ZC3H4: variants seen among roughly 807,000 people sequenced by gnomAD.
The protein encoded by ZC3H4 is zinc finger CCCH-type containing 4, also known as zinc finger CCCH domain-containing protein 4.
In ZC3H4, 13 loss-of-function variants were observed where a neutral mutation model predicts 108.3. The ratio of observed to expected loss-of-function variants is 0.12; its 90% confidence interval spans 0.08 to 0.19. The LOEUF is 0.19. ZC3H4 is among the 10% of genes least tolerant of loss of function. The pLI is 1.00. For synonymous variants in ZC3H4, 917 were observed against 749.6 expected (o/e 1.22, Z -3.65); for missense variants, 1,734 against 1,838.8 (o/e 0.94, Z 1.04).
rs202213560 is a variant in ZC3H4, at chr19:47,066,942, G to A, written c.3326C>T (p.Pro1109Leu). Residue 1109 changes from proline to leucine, a missense_variant, in exon 15 of 15, where the codon CCG becomes CTG. Pro to Leu is a moderately conservative substitution (Grantham distance 98, BLOSUM62 -3). This residue lies in a region of ZC3H4 where 518 missense variants were observed against 499.6 expected (regional missense o/e 1.04). Transcript: ENST00000253048. The part of the protein sequence containing the change: ...PAEAPSPTAS[P>L]SGDASPPATA... ...GGCTGGTGGGGAGGCATCCCCACTC[G>A]GGCTGGCGGTGGGAGAGGGCGCCTC... The A allele has an allele frequency of 0.018, 29,167 of 1,594,806 alleles. 279 individuals are homozygous for A. Among genetic ancestry groups the A allele is most frequent in the Non-Finnish European group, 0.022 (25,955 of 1,172,524 alleles).
At chr19:47,087,327 A>G (rs1208638897) in intron 5 of ZC3H4, among the ~76,000 whole-genome samples, 1 of 152,026 alleles carries the variant, frequency 6.6e-6, no homozygotes, top group Non-Finnish European at 1.5e-5. Flanking sequence ...AAAGAATATA[A>G]AATATCTCAT....
chr19:47,066,820 C>T lies in ZC3H4; in HGVS notation c.3448G>A (p.Asp1150Asn), dbSNP rs1438929672. 1.9e-6 allele frequency: 3 copies of T among 1,600,068 alleles called. No individual in the cohort carries two copies. The highest frequency in any genetic ancestry group is 1.7e-5 in the Admixed American group (1 of 59,732). The change falls in exon 15 of 15, where the codon GAC becomes AAC. Residue 1150 changes from aspartate to asparagine, a missense_variant. By Grantham distance (23) the Asp-to-Asn change is conservative. This residue lies in a region of ZC3H4 where 518 missense variants were observed against 499.6 expected (regional missense o/e 1.04). Coordinates refer to ENST00000253048, the MANE Select transcript of ZC3H4 (RefSeq NM_015168.2). ...SSVLSGISLY[D>N]PRTPNAGGKA... Reference sequence around the variant, plus strand: ...CCCCCCGCGTTGGGAGTCCTCGGGTCGTAGAGGCTGATACCGCTCAGCACA... The same window carrying T: ...CCCCCCGCGTTGGGAGTCCTCGGGTTGTAGAGGCTGATACCGCTCAGCACA...
At chr19:47,107,657 G>GAA (rs1157842797) in intron 2 of ZC3H4, among the ~76,000 whole-genome samples, 14 of 90,250 alleles carry the variant, frequency 1.6e-4, no homozygotes, top group Admixed American at 2.3e-4. Context: ...GTTCTGTTAA[G>GAA]AAAAAAAAAA....
intron 4 of ZC3H4, among the ~76,000 whole-genome samples, chr19:47,091,552 C>A (rs550634089): frequency 6.6e-6 from 1 of 150,396 alleles, no homozygotes; most frequent in East Asian, 2.0e-4. Flanking sequence ...CCAGCCTGGG[C>A]GACAGAGCGA....
chr19:47,078,217 T>C (rs2057457104), intron 11 of ZC3H4, among the ~76,000 whole-genome samples: 1 of 152,204 alleles, frequency 6.6e-6, no homozygotes, highest in African/African-American at 2.4e-5. Flanking sequence ...ATAAATGAGA[T>C]ATATTGTTAA....
At chr19:47,089,003 C>T (rs1255625196) in intron 5 of ZC3H4, among the ~76,000 whole-genome samples, 2 of 151,890 alleles carry the variant, frequency 1.3e-5, no homozygotes, top group South Asian at 2.1e-4. Context: ...GTCACGAGAT[C>T]GAGACCAGCC....
At chr19:47,076,314 TGCGC>T (rs747893401) in intron 11 of ZC3H4, among the ~76,000 whole-genome samples, 9 of 78,050 alleles carry the variant, frequency 1.2e-4, no homozygotes, top group Non-Finnish European at 1.2e-4. Flanking sequence ...CATGCACGCG[TGCGC>T]GCGCGCGCAC....
chr19:47,067,725 CG>C lies in ZC3H4; in HGVS notation c.2542del (p.Arg848AlafsTer90). 2 of 1,606,420 alleles carry C rather than the reference CG, an allele frequency of 1.2e-6. No homozygotes were observed. ...ELSSSGLGDPRLQKGHPTGSR... is the reference protein window; with the variant it reads ...ELSSSGLGDPXLQKGHPTGSR... ...TCCTGTGGGGTGTCCCTTCTGGAGG[CG>C]GGGGTCCCCCAGCCCACTGCTGCTC... On this transcript the variant is annotated frameshift_variant, in exon 15 of 15. Transcript: ENST00000253048. LOFTEE classifies it low-confidence loss of function (END_TRUNC). This position sits in a 1 kb window ranked among gnomAD's most constrained non-coding sequence, Gnocchi z 6.4.
chr19:47,077,399 C>T (rs971535356), intron 11 of ZC3H4, among the ~76,000 whole-genome samples: 30 of 150,402 alleles, frequency 2.0e-4, no homozygotes, highest in Admixed American at 1.5e-3. Flanking sequence ...ACCCAGGAGG[C>T]GGAGGTTGCA....
chr19:47,067,022 C>A lies in ZC3H4; in HGVS notation c.3246G>T (p.Leu1082=). The part of the protein sequence containing the change: ...RVRKAPTDPR[L]QKPTDSTASS... The stretch of plus-strand genomic sequence containing the variant: ...AGGCCGTAGAGTCTGTGGGTTTCTG[C>A]AGCCGAGGGTCGGTGGGGGCCTTCC... Residue 1082 remains leucine (L), a synonymous_variant, in exon 15 of 15, where the codon CTG becomes CTT. Transcript: ENST00000253048. The surrounding 1 kb of genome is among the most constrained non-coding windows in gnomAD (Gnocchi z 6.4). The A allele has an allele frequency of 2.5e-6, 4 of 1,597,590 alleles. No homozygotes were observed. The highest frequency in any genetic ancestry group is 2.6e-6 in the Non-Finnish European group (3 of 1,171,898).
intron 2 of ZC3H4, among the ~76,000 whole-genome samples, chr19:47,097,325 T>TA (rs371114767): frequency 4.8e-4 from 73 of 152,310 alleles, no homozygotes; most frequent in Middle Eastern, 3.4e-3. Flanking sequence ...TTGTTGTTGT[T>TA]AAACTGCTGA....
At chr19:47,077,861 C>CAAAAAAAAA (rs767129835) in intron 11 of ZC3H4, among the ~76,000 whole-genome samples, 4 of 72,308 alleles carry the variant, frequency 5.5e-5, no homozygotes, top group Non-Finnish European at 6.6e-5. Context: ...CCGTCTCAAA[C>CAAAAAAAAA]AAAAAAAAAA....
intron 9 of ZC3H4, among the ~76,000 whole-genome samples, chr19:47,083,331 A>C (rs1487738005): frequency 3.3e-5 from 5 of 149,864 alleles, no homozygotes; most frequent in Non-Finnish European, 7.4e-5. Context: ...AAAGAGAGAG[A>C]GAGAGAGAGA....
At chr19:47,083,026 T>C (rs922973186) in intron 9 of ZC3H4, among the ~76,000 whole-genome samples, 2 of 152,156 alleles carry the variant, frequency 1.3e-5, no homozygotes, top group Non-Finnish European at 2.9e-5. Flanking sequence ...CTTTTACGAA[T>C]GCCTATTCAT....
chr19:47,098,797 G>T (rs895201067), intron 2 of ZC3H4, among the ~76,000 whole-genome samples: 1 of 152,166 alleles, frequency 6.6e-6, no homozygotes, highest in African/African-American at 2.4e-5. Flanking sequence ...GATATTTCAT[G>T]TCCAAAGTAG....
intron 2 of ZC3H4, among the ~76,000 whole-genome samples, chr19:47,111,355 G>A (rs1259839908): frequency 6.6e-6 from 1 of 152,224 alleles, no homozygotes. Flanking sequence ...AAGGGCGTGG[G>A]GGGCCCGCGT....
At chr19:47,090,295 C>G (rs1330397045) in intron 4 of ZC3H4, 106 bp from the exon 5 acceptor site, 2 of 1,247,260 alleles carry the variant, frequency 1.6e-6, no homozygotes, top group East Asian at 4.9e-5. Context: ...GTCTGGGTGT[C>G]ACTACTGTCC....
In ZC3H4 at chr19:47,090,115, A is replaced by C; in HGVS notation, c.567T>G (p.Ser189Arg). 1.2e-6 allele frequency: 2 copies of C among 1,613,584 alleles called. No individual in the cohort carries two copies. Among genetic ancestry groups the C allele is most frequent in the Non-Finnish European group, 1.7e-6 (2 of 1,179,894 alleles). Residue 189 changes from serine (S) to arginine (R), a missense_variant, in exon 5 of 15, where the codon AGT (serine) becomes AGG (arginine). Around this residue, in one of 9 missense-constraint regions of ZC3H4, gnomAD observed 403 missense variants for 457.0 expected, o/e 0.88. Coordinates refer to ENST00000253048, the MANE Select transcript of ZC3H4 (RefSeq NM_015168.2). ...KKAYSKMDSK[S>R]YGMYEDYENE... ...TCTCGTAGTCCTCGTACATGCCATA[A>C]CTCTTGCTGTCCATCTTGGAGTATG...
chr19:47,104,989 T>C (rs978746424), intron 2 of ZC3H4, among the ~76,000 whole-genome samples: 3 of 152,160 alleles, frequency 2.0e-5, no homozygotes, highest in Admixed American at 2.0e-4. Flanking sequence ...ATCCCTTCCA[T>C]TTAAGAGGGT....
Sources: allele counts gnomAD v4.1 joint callset (sites outside exome capture counted in the v4.1 genomes callset), GRCh38; gene constraint gnomAD v4.1.1; regional missense constraint gnomAD v4.1.1; non-coding constraint Gnocchi (gnomAD v3.1); transcripts MANE v1.5; gene names NCBI Gene and HGNC (gene_info 2026-07-23, HGNC 2026-07-21).